AMPH: variants seen among roughly 807,000 people sequenced by gnomAD.
AMPH encodes amphiphysin (Stiff-Mann syndrome with breast cancer 128kD autoantigen).
AMPH carries 49 observed loss-of-function variants against 99.1 expected under a neutral mutation model. The observed-to-expected ratio is 0.49, with a 90% CI of 0.39 to 0.63. The LOEUF is 0.63. AMPH is among the 20% of genes least tolerant of loss of function. The pLI is 0.00. For missense variants in AMPH, 759 were observed against 863.4 expected (o/e 0.88, Z 1.52); for synonymous variants, 314 against 317.3 (o/e 0.99, Z 0.11).
At chr7:38,410,470 G>T (rs1008883900) in intron 17 of AMPH, among the ~76,000 whole-genome samples, 1 of 152,174 alleles carries the variant, frequency 6.6e-6, no homozygotes, top group Non-Finnish European at 1.5e-5. Flanking sequence ...CTTTGAACTG[G>T]CCATGGCATT....
At chr7:38,445,813 G>A (rs967776448) in intron 11 of AMPH, among the ~76,000 whole-genome samples, 4 of 152,154 alleles carry the variant, frequency 2.6e-5, no homozygotes, top group African/African-American at 7.2e-5. Context: ...TAGAGGTAGG[G>A]TCTGGTGGGA....
chr7:38,454,800 C>G (rs1381771939), intron 11 of AMPH, among the ~76,000 whole-genome samples: 1 of 152,010 alleles, frequency 6.6e-6, no homozygotes, highest in African/African-American at 2.4e-5. Context: ...GCTGGTGAAG[C>G]AACAAAAAAG....
In AMPH at chr7:38,631,273, C is replaced by T. The variant is rs1471312934; in HGVS notation, c.69+10G>A. On this transcript the variant is annotated intron_variant, in intron 1 of 20. Transcript: ENST00000356264. ...GTCCCCGGCCCCAGCCCCGGCCGCC[C>T]GCCGCTGACCTTTTCCTGCGCGCGG... is the stretch of plus-strand genomic sequence containing the variant. 2 of 1,517,168 alleles carry T rather than the reference C, an allele frequency of 1.3e-6. No homozygotes were observed. The highest frequency in any genetic ancestry group is 1.8e-6 in the Non-Finnish European group (2 of 1,133,246). The allele number at this position is 1,517,168 out of a possible 1,614,324, so 94.0% of individuals were successfully genotyped here. A position where few individuals can be genotyped will look rare whatever the true frequency, so the allele number is the denominator to read the frequency against.
intron 4 of AMPH, among the ~76,000 whole-genome samples, chr7:38,492,918 T>C (rs888263807): frequency 1.3e-5 from 2 of 152,210 alleles, no homozygotes; most frequent in African/African-American, 4.8e-5. Flanking sequence ...AGCAACATGA[T>C]GTTGAAATAC....
chr7:38,499,336 T>C (rs913848828), intron 3 of AMPH, among the ~76,000 whole-genome samples: 2 of 152,120 alleles, frequency 1.3e-5, no homozygotes, highest in Non-Finnish European at 2.9e-5. Flanking sequence ...AAGCATAAGA[T>C]CTGCCTCACA....
At chr7:38,611,925 C>T (rs570252489) in intron 1 of AMPH, among the ~76,000 whole-genome samples, 4 of 152,044 alleles carry the variant, frequency 2.6e-5, no homozygotes, top group Non-Finnish European at 5.9e-5. Context: ...AAGAGATGAA[C>T]CTTTGGGTGT....
intron 5 of AMPH, among the ~76,000 whole-genome samples, chr7:38,488,287 A>G (rs1001504896): frequency 1.3e-5 from 2 of 152,216 alleles, no homozygotes; most frequent in African/African-American, 2.4e-5. Flanking sequence ...ATGCCCATCA[A>G]TGATAGACTG....
At chr7:38,436,676 C>T (rs1270289037) in intron 11 of AMPH, among the ~76,000 whole-genome samples, 1 of 152,156 alleles carries the variant, frequency 6.6e-6, no homozygotes, top group Non-Finnish European at 1.5e-5. Context: ...GAGAATGTTC[C>T]AAGGATGTAT....
rs1785755809 is a variant in AMPH, at chr7:38,425,621, G to A, written c.1215+1333C>T. Among the ~76,000 whole-genome samples the A allele has an allele frequency of 1.3e-5, 2 of 152,168 alleles. 1 individual carries two copies. Among genetic ancestry groups the A allele is most frequent in the South Asian group, 4.1e-4 (2 of 4,826 alleles). Reference sequence around the variant, plus strand: ...CTTTGATGGAACTCTATCAGAGGAAGGGCAGGAAGCAGAAGAGGGGGCGAA... The same window carrying A: ...CTTTGATGGAACTCTATCAGAGGAAAGGCAGGAAGCAGAAGAGGGGGCGAA... On this transcript the variant is annotated intron_variant, in intron 15 of 20. Coordinates refer to ENST00000356264, the MANE Select transcript of AMPH (RefSeq NM_001635.4).
rs148695925 is a variant in AMPH, at chr7:38,463,074, C to T, written c.789G>A (p.Pro263=). Residue 263 remains proline, a synonymous_variant, in exon 10 of 21, where the codon CCG becomes CCA. Transcript: ENST00000356264. ...TCGGGAGGGGTGAAGGCTCCTCAGG[C>T]GGTGATGGTGTCTTTGCAATGCGGA... ...GPLRIAKTPS[P]PEEPSPLPSP... is the part of the protein sequence containing the mutation. 3.1e-5 allele frequency: 50 copies of T among 1,612,434 alleles called. No individual in the cohort carries two copies. The highest frequency in any genetic ancestry group is 1.7e-4 in the Middle Eastern group (1 of 5,882).
At chr7:38,620,275 C>T (rs571756373) in intron 1 of AMPH, among the ~76,000 whole-genome samples, 70 of 151,914 alleles carry the variant, frequency 4.6e-4, no homozygotes, top group African/African-American at 1.5e-3. Context: ...CTCTCCTTCC[C>T]TCCTTCCCTC....
chr7:38,412,565 C>T (rs936082254), intron 17 of AMPH, among the ~76,000 whole-genome samples: 12 of 152,182 alleles, frequency 7.9e-5, no homozygotes, highest in Admixed American at 7.9e-4. Context: ...CACCTACAAA[C>T]CCAGATCAAC....
intron 16 of AMPH, 43 bp from the exon 17 acceptor site, chr7:38,417,993 A>G: frequency 6.3e-7 from 1 of 1,597,130 alleles, no homozygotes; most frequent in Non-Finnish European, 8.5e-7. Context: ...AAGATTCAAC[A>G]GGTAAATAGA....
intron 3 of AMPH, among the ~76,000 whole-genome samples, chr7:38,496,743 C>T (rs369155014): frequency 6.6e-5 from 10 of 152,232 alleles, no homozygotes; most frequent in Admixed American, 4.6e-4. Context: ...TCATAACAAG[C>T]GTTAGTCACT....
At chr7:38,536,923 ATAAC>A (rs1451618612) in intron 1 of AMPH, among the ~76,000 whole-genome samples, 1 of 152,192 alleles carries the variant, frequency 6.6e-6, no homozygotes, top group Non-Finnish European at 1.5e-5. Flanking sequence ...TAAAAAGACT[ATAAC>A]TATGTTAAAA....
At chr7:38,594,634 G>T (rs1792984352) in intron 1 of AMPH, among the ~76,000 whole-genome samples, 1 of 151,940 alleles carries the variant, frequency 6.6e-6, no homozygotes, top group Non-Finnish European at 1.5e-5. Context: ...CTTTCAAGAG[G>T]GAAAGCCAAG....
At chr7:38,624,414 G>T (rs1384270036) in intron 1 of AMPH, among the ~76,000 whole-genome samples, 1 of 150,336 alleles carries the variant, frequency 6.7e-6, no homozygotes, top group Non-Finnish European at 1.5e-5. Context: ...TATTATTTTT[G>T]AGATGGAGTT....
intron 2 of AMPH, among the ~76,000 whole-genome samples, chr7:38,521,685 C>T (rs1183236421): frequency 2.0e-5 from 3 of 151,946 alleles, no homozygotes; most frequent in Non-Finnish European, 2.9e-5. Flanking sequence ...TATTATCATC[C>T]ACCCCATTCC....
chr7:38,428,218 C>A (rs1014070998), intron 14 of AMPH: 4 of 456,552 alleles, frequency 8.8e-6, no homozygotes, highest in African/African-American at 6.0e-5. Flanking sequence ...CCTGTTATAT[C>A]CAAATTATTC....
Sources: allele counts gnomAD v4.1 joint callset (sites outside exome capture counted in the v4.1 genomes callset), GRCh38; gene constraint gnomAD v4.1.1; transcripts MANE v1.5; gene names NCBI Gene and HGNC (gene_info 2026-07-23, HGNC 2026-07-21).